Variants in PKHD1 observed in about 807,000 individuals in gnomAD.
PKHD1 encodes fibrocystin.
A neutral mutation model predicts 412.0 loss-of-function variants in PKHD1; 291 were observed. The ratio of observed to expected loss-of-function variants is 0.71; its 90% CI spans 0.64 to 0.78. The LOEUF is 0.78. Among genes scored for constraint, PKHD1 ranks in the 30% least tolerant of loss-of-function variants. PKHD1 has a pLI of 0.00. For synonymous variants in PKHD1, 1,777 were observed against 1,821.5 expected, an observed-to-expected ratio of 0.98 and a Z score of 0.62; for missense variants, 4,825 against 4,950.7, an observed-to-expected ratio of 0.97 and a Z score of 0.76.
At chr6:51,963,138 C>A (rs1583589434) in intron 35 of PKHD1, among the ~76,000 whole-genome samples, 1 of 152,022 alleles carries the variant, frequency 6.6e-6, no homozygotes, top group East Asian at 1.9e-4. Flanking sequence ...AATGCTATAT[C>A]CCCTAGGTCT....
intron 22 of PKHD1, among the ~76,000 whole-genome samples, chr6:52,049,912 A>G (rs1251665345): frequency 6.6e-6 from 1 of 152,216 alleles, no homozygotes; most frequent in Non-Finnish European, 1.5e-5. Flanking sequence ...AGCATCACCA[A>G]GGAACTTATT....
In PKHD1 at chr6:52,044,986, T is replaced by C. The variant is rs922828020; in HGVS notation, c.2695A>G (p.Thr899Ala). Residue 899 changes from threonine (T) to alanine (A), a missense_variant, in exon 25 of 67, where the codon ACT (threonine) becomes GCT (alanine). Transcript: ENST00000371117. ...LGPIFGDMLATANQHTQVVVR... is the reference protein window; with the variant it reads ...LGPIFGDMLAAANQHTQVVVR... ...CTCACCTGAGTATGCTGGTTGGCAG[T>C]AGCCAACATGTCTCCAAATATGGGT... 3 of 1,613,558 alleles carry C rather than the reference T, an allele frequency of 1.9e-6. No homozygotes were observed. Among genetic ancestry groups the C allele is most frequent in the Admixed American group, 3.3e-5 (2 of 60,014 alleles).
At chr6:51,665,568 T>C (rs577797008) in intron 60 of PKHD1, among the ~76,000 whole-genome samples, 78 of 152,280 alleles carry the variant, frequency 5.1e-4, no homozygotes, top group African/African-American at 1.9e-3. Flanking sequence ...ACAAATGAAA[T>C]GCCCTACATG....
In PKHD1 at chr6:52,066,029, T is replaced by C; in HGVS notation, c.827A>G (p.Asn276Ser). The C allele has an allele frequency of 3.1e-6, 5 of 1,605,796 alleles. No homozygotes were observed. Among genetic ancestry groups the C allele is most frequent in the Non-Finnish European group, 4.3e-6 (5 of 1,172,608 alleles). ...AAAAAAGTCTCCTGTAATTGTGATGTTTGTTCTTCCCCCAAGGCTCCCAGT... is the reference window on the plus strand; with the variant it reads ...AAAAAAGTCTCCTGTAATTGTGATGCTTGTTCTTCCCCCAAGGCTCCCAGT... ...PETGSLGGRT[N>S]ITITGDFFDN... The change falls in exon 12 of 67, where the codon AAC becomes AGC. Residue 276 changes from asparagine (N) to serine (S), a missense_variant. Coordinates refer to ENST00000371117, the MANE Select transcript of PKHD1 (RefSeq NM_138694.4).
intron 60 of PKHD1, among the ~76,000 whole-genome samples, chr6:51,727,246 A>G (rs990630296): frequency 1.3e-5 from 2 of 152,060 alleles, no homozygotes; most frequent in African/African-American, 4.8e-5. Context: ...AAATTTTGAG[A>G]CAAACTGCAT....
At chr6:51,768,061 T>C (rs569118974) in intron 55 of PKHD1, among the ~76,000 whole-genome samples, 5 of 152,296 alleles carry the variant, frequency 3.3e-5, no homozygotes, top group South Asian at 4.1e-4. Flanking sequence ...ATTTCTCTGA[T>C]GGCCAGTGAT....
intron 33 of PKHD1, 107 bp downstream of exon 33, chr6:52,022,694 G>C: frequency 8.8e-7 from 1 of 1,140,384 alleles, no homozygotes; most frequent in African/African-American, 1.5e-5. Context: ...GGCACACATA[G>C]AGAAATTAGT....
rs1350645130 is a variant in PKHD1, at chr6:51,618,320, A to G, written c.*761T>C. The G allele has an allele frequency of 1.3e-5, 2 of 152,218 alleles. No homozygotes were observed. The highest frequency in any genetic ancestry group is 4.8e-5 in the African/African-American group (2 of 41,444). 9.4% of individuals were successfully genotyped at this position (152,218 alleles called of 1,614,324 possible). On this transcript the variant is annotated 3_prime_UTR_variant, in exon 67 of 67. Coordinates refer to ENST00000371117, the MANE Select transcript of PKHD1 (RefSeq NM_138694.4). The stretch of plus-strand genomic sequence containing the variant: ...CAGTTGTAAATGTGACCCAGCTACT[A>G]ACAGAGAGAATCACTGAAAAATAGA...
chr6:51,847,927 A>C lies in PKHD1; in HGVS notation c.7955T>G (p.Leu2652Arg). The C allele has an allele frequency of 6.2e-7, 1 of 1,614,090 alleles. No individual in the cohort carries two copies. Among genetic ancestry groups the C allele is most frequent in the Non-Finnish European group, 8.5e-7 (1 of 1,179,940 alleles). Residue 2652 changes from leucine to arginine, a missense_variant, in exon 50 of 67, where the codon CTG becomes CGG. Leu to Arg is a moderately radical substitution (Grantham distance 102). Coordinates refer to ENST00000371117, the MANE Select transcript of PKHD1 (RefSeq NM_138694.4). ...FDNFAPGNYL[L>R]LVHTDLPPYP... is the part of the protein sequence containing the mutation. ...AGGCGGCAAATCTGTGTGCACCAGC[A>C]GTAGGTAATTACCAGGAGCAAAGTT...
Position 51,956,224 on chromosome 6 carries a change from C to G in PKHD1, c.5908+3646G>C, listed in dbSNP as rs537822704. On this transcript the variant is annotated intron_variant, in intron 36 of 66. Transcript: ENST00000371117. Reference sequence around the variant, plus strand: ...ATCATAATATGCAAATATATATAGACATATGTGTGTATGTACATATTTTGC... The same window carrying G: ...ATCATAATATGCAAATATATATAGAGATATGTGTGTATGTACATATTTTGC... Among the ~76,000 whole-genome samples the G allele has an allele frequency of 1.9e-4, 29 of 151,780 alleles. No individual in the cohort carries two copies. The South Asian group carries it at 3.1e-3, about 16-fold the overall frequency.
At chr6:51,661,931 A>G (rs1444929281) in intron 60 of PKHD1, among the ~76,000 whole-genome samples, 1 of 152,018 alleles carries the variant, frequency 6.6e-6, no homozygotes, top group South Asian at 2.1e-4. Flanking sequence ...TCCATATGAT[A>G]TAATTATAAA....
chr6:51,663,867 A>G (rs1036905732), intron 60 of PKHD1, among the ~76,000 whole-genome samples: 2 of 152,162 alleles, frequency 1.3e-5, no homozygotes, highest in Non-Finnish European at 2.9e-5. Flanking sequence ...GGCTGACTAT[A>G]CTTTTATAAA....
intron 60 of PKHD1, among the ~76,000 whole-genome samples, chr6:51,708,434 CTCTTTT>C (rs1020275862): frequency 2.0e-5 from 3 of 152,324 alleles, no homozygotes; most frequent in African/African-American, 7.2e-5. Context: ...AGTCAGAATA[CTCTTTT>C]AAACATGCAG....
chr6:51,797,149 T>C (rs1794743277), intron 52 of PKHD1, among the ~76,000 whole-genome samples: 1 of 152,132 alleles, frequency 6.6e-6, no homozygotes, highest in Non-Finnish European at 1.5e-5. Flanking sequence ...TCTAATTTGA[T>C]TGTGCTGTGC....
intron 52 of PKHD1, among the ~76,000 whole-genome samples, chr6:51,795,443 T>C (rs1486254200): frequency 6.6e-6 from 1 of 152,148 alleles, no homozygotes; most frequent in Non-Finnish European, 1.5e-5. Flanking sequence ...ACAATAGGGT[T>C]TTCAAGCTAT....
intron 50 of PKHD1, among the ~76,000 whole-genome samples, chr6:51,837,190 A>C (rs1243239845): frequency 6.6e-6 from 1 of 152,072 alleles, no homozygotes; most frequent in African/African-American, 2.4e-5. Context: ...CAGGTGCACA[A>C]ACTCCATTTT....
chr6:51,958,404 T>C (rs979969296), intron 36 of PKHD1, among the ~76,000 whole-genome samples: 3 of 152,138 alleles, frequency 2.0e-5, no homozygotes, highest in African/African-American at 7.2e-5. Flanking sequence ...TGCTCAGATA[T>C]TTAAATCCTT....
At chr6:51,671,804 C>G (rs531875037) in intron 60 of PKHD1, among the ~76,000 whole-genome samples, 2 of 152,144 alleles carry the variant, frequency 1.3e-5, no homozygotes, top group African/African-American at 4.8e-5. Context: ...GGGGTACCCG[C>G]CCGTGTGAGG....
At chr6:52,018,042 T>TA (rs1800815606) in intron 33 of PKHD1, among the ~76,000 whole-genome samples, 1 of 152,238 alleles carries the variant, frequency 6.6e-6, no homozygotes, top group Admixed American at 6.5e-5. Context: ...TAAAATATGA[T>TA]ACATGATAAA....
Sources: gnomAD v4.1 joint callset for allele counts (sites outside exome capture counted in the v4.1 genomes callset) on GRCh38, gnomAD v4.1.1 for gene constraint, MANE v1.5 for transcripts, NCBI Gene and HGNC (gene_info 2026-07-23, HGNC 2026-07-21) for gene names.